Variants in DOCK2 observed in about 807,000 individuals in gnomAD.
The protein encoded by DOCK2 is dedicator of cytokinesis 2.
In DOCK2, 87 loss-of-function variants were observed where a neutral mutation model predicts 248.9. The ratio of observed to expected loss-of-function variants is 0.35; its 90% CI spans 0.29 to 0.42. The LOEUF (loss-of-function observed/expected upper bound fraction) is 0.42, where lower values mean the gene tolerates loss of function less well. Ranked by LOEUF, DOCK2 falls within the 10% of genes least tolerant of loss-of-function variation. The probability of loss-of-function intolerance (pLI) is 1.00; values close to 1 mark genes in which losing one functional copy is unlikely to be tolerated. For missense variants in DOCK2, 1,747 were observed against 2,300.2 expected (o/e 0.76, Z 4.92); for synonymous variants, 805 against 821.6 (o/e 0.98, Z 0.35).
intron 27 of DOCK2, among the ~76,000 whole-genome samples, chr5:169,952,227 C>T (rs1389924943): frequency 2.6e-5 from 4 of 152,174 alleles, no homozygotes; most frequent in Admixed American, 2.6e-4. Context: ...TTTTTGCATG[C>T]AGCACTGGGA....
chr5:169,968,218 A>G (rs998541497), intron 27 of DOCK2, among the ~76,000 whole-genome samples: 1 of 152,318 alleles, frequency 6.6e-6, no homozygotes, highest in African/African-American at 2.4e-5. Context: ...TCAGCTTGTA[A>G]TATGGCTCAA....
At chr5:169,903,618 G>A (rs1391469747) in intron 27 of DOCK2, among the ~76,000 whole-genome samples, 2 of 152,148 alleles carry the variant, frequency 1.3e-5, no homozygotes, top group Non-Finnish European at 2.9e-5. Context: ...AGGCCTCCAA[G>A]TATGGAGATA....
At chr5:169,838,772 T>C (rs759580270) in intron 26 of DOCK2, among the ~76,000 whole-genome samples, 3 of 152,128 alleles carry the variant, frequency 2.0e-5, no homozygotes, top group Non-Finnish European at 4.4e-5. Flanking sequence ...AGAGGTTCTG[T>C]TGGTGGCTCC....
chr5:170,015,599 C>T (rs115605896), intron 32 of DOCK2, among the ~76,000 whole-genome samples: 8 of 148,130 alleles, frequency 5.4e-5, no homozygotes, highest in Non-Finnish European at 1.0e-4. Context: ...TTTTAATCAG[C>T]TCAGCTTTAT....
chr5:170,010,043 TATG>T (rs2113811632), intron 32 of DOCK2, among the ~76,000 whole-genome samples: 1 of 152,222 alleles, frequency 6.6e-6, no homozygotes, highest in South Asian at 2.1e-4. Context: ...ACAGGGGGCT[TATG>T]AGGGTCATCA....
chr5:169,833,067 G>A (rs781140444), intron 26 of DOCK2, among the ~76,000 whole-genome samples: 2 of 152,180 alleles, frequency 1.3e-5, no homozygotes, highest in African/African-American at 2.4e-5. Flanking sequence ...TAGCTCTGAT[G>A]ACATTTCCTG....
Position 170,083,060 on chromosome 5 carries a change from G to T in DOCK2, c.*202G>T. ...CATCCCCTGGGGCTGTGATCATGGTGGATGAGGAAGCCTCAACGTAGATTC... is the reference window on the plus strand; with the variant it reads ...CATCCCCTGGGGCTGTGATCATGGTTGATGAGGAAGCCTCAACGTAGATTC... On this transcript the variant is annotated 3_prime_UTR_variant, in exon 52 of 52. Coordinates refer to ENST00000520908, the MANE Select transcript of DOCK2 (RefSeq NM_004946.3). The T allele has an allele frequency of 1.6e-6, 1 of 608,022 alleles. No homozygotes were observed. Among genetic ancestry groups the T allele is most frequent in the Non-Finnish European group, 2.8e-6 (1 of 351,896 alleles). 37.7% of individuals were successfully genotyped at this position (608,022 alleles called of 1,614,324 possible).
chr5:169,815,841 TG>T (rs1254318400), intron 26 of DOCK2, among the ~76,000 whole-genome samples: 2 of 151,994 alleles, frequency 1.3e-5, no homozygotes, highest in African/African-American at 4.8e-5. Flanking sequence ...ATAAATGGCG[TG>T]GCGGCTTGGA....
At chr5:170,061,879 C>G (rs1561903768) in intron 44 of DOCK2, among the ~76,000 whole-genome samples, 1 of 152,312 alleles carries the variant, frequency 6.6e-6, no homozygotes, top group East Asian at 1.9e-4. Flanking sequence ...CAGTCTACAC[C>G]TTGGCCCCTC....
chr5:169,865,522 G>T (rs1275902770), intron 27 of DOCK2, among the ~76,000 whole-genome samples: 1 of 152,184 alleles, frequency 6.6e-6, no homozygotes, highest in Non-Finnish European at 1.5e-5. Context: ...CTGAGCACGG[G>T]TTCCCTCTGT....
In DOCK2 at chr5:169,881,401, C is replaced by G. The variant is rs547938508; in HGVS notation, c.2799+40549C>G. The stretch of plus-strand genomic sequence containing the variant: ...GATGCACGCCGTGTTCTGGCAGGTA[C>G]TGCAATTGTTGAGATCTTGGCCAGT... On this transcript the variant is annotated intron_variant, in intron 27 of 51. Transcript: ENST00000520908. The G allele has an allele frequency of 2.0e-4, 308 of 1,551,522 alleles. No homozygotes were observed. In the East Asian group the frequency reaches 2.4e-3, roughly 12 times the overall value.
intron 27 of DOCK2, chr5:169,883,629 C>A (rs1042332901): frequency 5.8e-6 from 9 of 1,551,336 alleles, no homozygotes; most frequent in Non-Finnish European, 7.8e-6. Flanking sequence ...TGCGAAAGCC[C>A]CCTGCCTTCT....
At chr5:170,079,256 C>G in intron 49 of DOCK2, 110 bp downstream of exon 49, 1 of 1,411,384 alleles carries the variant, frequency 7.1e-7, no homozygotes, top group South Asian at 1.4e-5. Context: ...CCTGCCACTG[C>G]GGTGCTATGG....
rs756808480 is a variant in DOCK2, at chr5:170,047,590, C to G, written c.4047C>G (p.Gly1349=). The change falls in exon 40 of 52, where the codon GGC becomes GGG. Residue 1349 remains glycine, a synonymous_variant. Transcript: ENST00000520908. ...ACTACTTTGCTGTTGGATACTACGG[C>G]CAGGGATTCCCCTCCTTCCTGCGGG... ...KPDYFAVGYY[G]QGFPSFLRNK... is the part of the protein sequence containing the mutation. The G allele has an allele frequency of 3.1e-6, 5 of 1,614,052 alleles. No homozygotes were observed. The highest frequency in any genetic ancestry group is 4.2e-6 in the Non-Finnish European group (5 of 1,179,958).
At chr5:169,661,416 C>A (rs1176097552) in intron 2 of DOCK2, among the ~76,000 whole-genome samples, 1 of 152,152 alleles carries the variant, frequency 6.6e-6, no homozygotes, top group African/African-American at 2.4e-5. Context: ...ATGACCATAT[C>A]CATCATCTCA....
At chr5:170,068,598 C>T (rs1404169386) in intron 45 of DOCK2, among the ~76,000 whole-genome samples, 3 of 152,166 alleles carry the variant, frequency 2.0e-5, no homozygotes, top group African/African-American at 7.2e-5. Context: ...TGGGATATGT[C>T]TGTTTATACA....
At chr5:169,637,716 T>C (rs1164246167) in intron 1 of DOCK2, among the ~76,000 whole-genome samples, 2 of 152,166 alleles carry the variant, frequency 1.3e-5, no homozygotes, top group Admixed American at 6.5e-5. Flanking sequence ...CTTGGCCTTG[T>C]AGAGGGAGCT....
intron 14 of DOCK2, among the ~76,000 whole-genome samples, chr5:169,703,268 T>G (rs12513498): frequency 0.62 from 93,818 of 151,996 alleles, 30,037 homozygotes; most frequent in East Asian, 0.89. Flanking sequence ...AGAGGCATCA[T>G]TTTTGTCCTT....
chr5:169,670,820 A>G (rs1334111425), intron 4 of DOCK2, among the ~76,000 whole-genome samples: 1 of 152,180 alleles, frequency 6.6e-6, no homozygotes, highest in African/African-American at 2.4e-5. Context: ...TGGAGAATCA[A>G]ACTTTTTGCT....
Sources: allele counts gnomAD v4.1 joint callset (sites outside exome capture counted in the v4.1 genomes callset), GRCh38; gene constraint gnomAD v4.1.1; transcripts MANE v1.5; gene names NCBI Gene and HGNC (gene_info 2026-07-23, HGNC 2026-07-21).